CABCOCO1: variants seen among roughly 807,000 people sequenced by gnomAD.
The protein encoded by CABCOCO1 is ciliary-associated calcium-binding coiled-coil protein 1.
CABCOCO1 carries 28 observed loss-of-function variants against 35.7 expected under a neutral mutation model. The ratio of observed to expected loss-of-function variants is 0.78; its 90% CI spans 0.58 to 1.07. The LOEUF (loss-of-function observed/expected upper bound fraction) is 1.07. Ranked by LOEUF, CABCOCO1 falls within the 50% of genes least tolerant of loss-of-function variation. The pLI, the probability that CABCOCO1 is intolerant of heterozygous loss-of-function variation, is 0.00. For missense variants in CABCOCO1, 326 were observed against 309.2 expected, an observed-to-expected ratio of 1.05 and a Z score of -0.41; for synonymous variants, 95 against 100.1, an observed-to-expected ratio of 0.95 and a Z score of 0.30.
chr10:61,667,889 A>G (rs1479906053), intron 1 of CABCOCO1, among the ~76,000 whole-genome samples: 2 of 151,974 alleles, frequency 1.3e-5, no homozygotes, highest in South Asian at 2.1e-4. Flanking sequence ...TAGAACCTCT[A>G]TAGTGTGTTG....
intron 3 of CABCOCO1, 127 bp from the exon 4 acceptor site, chr10:61,685,914 G>A: frequency 3.7e-6 from 3 of 811,044 alleles, no homozygotes; most frequent in Admixed American, 3.5e-5. Flanking sequence ...AGAAACAAGA[G>A]TTTTACCATT....
intron 5 of CABCOCO1, among the ~76,000 whole-genome samples, chr10:61,733,900 AAG>A (rs1841358597): frequency 6.6e-6 from 1 of 152,082 alleles, no homozygotes; most frequent in Admixed American, 6.6e-5. Flanking sequence ...ATGTAATAAA[AAG>A]AGTTTTCTTG....
At chr10:61,755,478 A>G (rs1296638208) in intron 5 of CABCOCO1, among the ~76,000 whole-genome samples, 1 of 152,114 alleles carries the variant, frequency 6.6e-6, no homozygotes, top group Non-Finnish European at 1.5e-5. Flanking sequence ...ATTTTATACT[A>G]AGTTCTGATT....
chr10:61,705,291 A>G (rs1480261997), intron 5 of CABCOCO1, among the ~76,000 whole-genome samples: 2 of 152,218 alleles, frequency 1.3e-5, no homozygotes, highest in African/African-American at 4.8e-5. Flanking sequence ...CTCAGCAAGT[A>G]CTTTCCACTC....
chr10:61,727,952 T>C (rs1841199301), intron 5 of CABCOCO1, among the ~76,000 whole-genome samples: 1 of 152,210 alleles, frequency 6.6e-6, no homozygotes, highest in Non-Finnish European at 1.5e-5. Context: ...GCAAAGTGTT[T>C]TATCAATGCC....
chr10:61,692,761 C>T (rs1840186649), intron 5 of CABCOCO1, among the ~76,000 whole-genome samples: 1 of 152,176 alleles, frequency 6.6e-6, no homozygotes, highest in Admixed American at 6.5e-5. Flanking sequence ...ATAAAAATTA[C>T]TTCTTTGCAG....
chr10:61,753,588 T>C (rs934322392), intron 5 of CABCOCO1, among the ~76,000 whole-genome samples: 4 of 152,084 alleles, frequency 2.6e-5, no homozygotes, highest in African/African-American at 7.2e-5. Flanking sequence ...TAAAAATGAA[T>C]GTAATCAGGG....
At position 61,675,719 on chromosome 10, in the gene CABCOCO1, A is replaced by G. The variant is rs527801619; in HGVS notation, c.164+2984A>G. On this transcript the variant is annotated intron_variant, in intron 2 of 7. Coordinates refer to ENST00000648843, the MANE Select transcript of CABCOCO1 (RefSeq NM_001366906.2). ...AATTAAAGAGGGCATCAATTTCACAAAACAAGAGACCAAAAAAAAAACATG... is the reference window on the plus strand; with the variant it reads ...AATTAAAGAGGGCATCAATTTCACAGAACAAGAGACCAAAAAAAAAACATG... Among the ~76,000 whole-genome samples, 9 of 152,206 alleles carry G rather than the reference A, an allele frequency of 5.9e-5. No individual in the cohort carries two copies. In the South Asian group the frequency reaches 1.9e-3, roughly 32 times the overall value.
At chr10:61,721,557 A>C (rs1185572561) in intron 5 of CABCOCO1, among the ~76,000 whole-genome samples, 1 of 152,202 alleles carries the variant, frequency 6.6e-6, no homozygotes, top group African/African-American at 2.4e-5. Context: ...AGTAGAGTCT[A>C]GTAAGGGATG....
intron 2 of CABCOCO1, among the ~76,000 whole-genome samples, chr10:61,680,199 T>A (rs1342396664): frequency 1.3e-5 from 2 of 150,288 alleles, no homozygotes; most frequent in Admixed American, 1.3e-4. Flanking sequence ...GTAATTCCAG[T>A]TACTCTGGAG....
chr10:61,686,920 G>T (rs987443888), intron 4 of CABCOCO1, among the ~76,000 whole-genome samples: 16 of 152,230 alleles, frequency 1.1e-4, no homozygotes, highest in South Asian at 4.2e-4. Context: ...AACAAGAGTA[G>T]GTTAAAATCT....
intron 1 of CABCOCO1, among the ~76,000 whole-genome samples, chr10:61,665,706 T>C (rs2095947429): frequency 6.6e-6 from 1 of 151,632 alleles, no homozygotes; most frequent in African/African-American, 2.4e-5. Flanking sequence ...GCTAACACGG[T>C]GAAACCCCGT....
intron 5 of CABCOCO1, among the ~76,000 whole-genome samples, chr10:61,757,902 G>C (rs1184261444): frequency 6.6e-6 from 1 of 152,080 alleles, no homozygotes; most frequent in Non-Finnish European, 1.5e-5. Flanking sequence ...GCCAGTGGTA[G>C]AATCTGCTAC....
At chr10:61,747,746 T>G (rs956197037) in intron 5 of CABCOCO1, among the ~76,000 whole-genome samples, 1 of 152,188 alleles carries the variant, frequency 6.6e-6, no homozygotes, top group African/African-American at 2.4e-5. Flanking sequence ...ATGTGCTGTT[T>G]TCTGATTTTC....
chr10:61,677,557 T>A (rs970939048), intron 2 of CABCOCO1, among the ~76,000 whole-genome samples: 5 of 152,074 alleles, frequency 3.3e-5, no homozygotes, highest in Admixed American at 2.0e-4. Flanking sequence ...TCTTTTTTTT[T>A]ATTATACTTT....
chr10:61,738,956 G>A (rs1390775790), intron 5 of CABCOCO1, among the ~76,000 whole-genome samples: 1 of 152,084 alleles, frequency 6.6e-6, no homozygotes, highest in Admixed American at 6.6e-5. Context: ...TATGCAAATG[G>A]ACATTGCTAA....
intron 1 of CABCOCO1, among the ~76,000 whole-genome samples, chr10:61,669,861 A>G (rs530035838): frequency 1.3e-5 from 2 of 152,258 alleles, no homozygotes; most frequent in South Asian, 4.1e-4. Context: ...TTTCATGTAT[A>G]TATTTATTCA....
chr10:61,757,453 G>A (rs981171498), intron 5 of CABCOCO1, among the ~76,000 whole-genome samples: 3 of 151,986 alleles, frequency 2.0e-5, no homozygotes, highest in African/African-American at 4.8e-5. Flanking sequence ...CTGAGCTAGG[G>A]TTTGGTTCAC....
chr10:61,752,367 G>GAAA (rs113709295), intron 5 of CABCOCO1, among the ~76,000 whole-genome samples: 13,887 of 145,608 alleles, frequency 0.095, 800 homozygotes, highest in Middle Eastern at 0.15. Context: ...TATAAAAAAG[G>GAAA]AAAAAAAAAA....
Sources: gnomAD v4.1 joint callset for allele counts (sites outside exome capture counted in the v4.1 genomes callset) on GRCh38, gnomAD v4.1.1 for gene constraint, MANE v1.5 for transcripts, NCBI Gene and HGNC (gene_info 2026-07-23, HGNC 2026-07-21) for gene names.